RHBDL2: variants seen among roughly 807,000 people sequenced by gnomAD.
RHBDL2 encodes the protein rhomboid like 2.
In RHBDL2, 26 loss-of-function variants were observed where a neutral mutation model predicts 31.7. The ratio of observed to expected loss-of-function variants is 0.82; its 90% CI spans 0.60 to 1.14. RHBDL2 has a LOEUF of 1.14. Among genes scored for constraint, RHBDL2 ranks in the 50% most tolerant of loss-of-function variants. The pLI is 0.00. For missense variants in RHBDL2, 336 were observed against 364.4 expected (o/e 0.92, Z 0.63); for synonymous variants, 123 against 127.2 (o/e 0.97, Z 0.22).
chr1:38,911,251 G>A, intron 4 of RHBDL2, 71 bp downstream of exon 4: 3 of 986,450 alleles, frequency 3.0e-6, no homozygotes, highest in Non-Finnish European at 4.8e-6. Context: ...CCTACTATAA[G>A]TGTGTATTTC....
At chr1:38,924,620 G>A (rs1211088127) in intron 1 of RHBDL2, among the ~76,000 whole-genome samples, 1 of 151,482 alleles carries the variant, frequency 6.6e-6, no homozygotes, top group Non-Finnish European at 1.5e-5. Context: ...AACACGGAAG[G>A]AACTTTGCTA....
At chr1:38,890,994 C>A (rs1642846175) in intron 6 of RHBDL2, among the ~76,000 whole-genome samples, 1 of 152,058 alleles carries the variant, frequency 6.6e-6, no homozygotes, top group African/African-American at 2.4e-5. Flanking sequence ...CTTGGCTGGG[C>A]TCAGTGGCTC....
chr1:38,911,734 G>C (rs1429758938), intron 3 of RHBDL2, among the ~76,000 whole-genome samples: 1 of 151,840 alleles, frequency 6.6e-6, no homozygotes, highest in Admixed American at 6.6e-5. Flanking sequence ...CTGCCTCAAG[G>C]GTTCAAGTAA....
chr1:38,910,436 T>A (rs557109110), intron 4 of RHBDL2, among the ~76,000 whole-genome samples: 132 of 152,290 alleles, frequency 8.7e-4, no homozygotes, highest in African/African-American at 2.9e-3. Flanking sequence ...TTTAATTTTT[T>A]AAAAAAATGT....
At position 38,897,863 on chromosome 1, in the gene RHBDL2, G is replaced by A. The variant is rs193089066; in HGVS notation, c.509-1794C>T. ...GTAGTCCAGTAGGCCGGGCACGGTG[G>A]CTCACGCCTGTAATCCCAGCACTTT... is the stretch of plus-strand genomic sequence containing the variant. On this transcript the variant is annotated intron_variant, in intron 4 of 7. Transcript: ENST00000372990. Among the ~76,000 whole-genome samples, 78 of 152,326 alleles carry A rather than the reference G, an allele frequency of 5.1e-4. 1 individual carries two copies. The highest frequency in any genetic ancestry group is 7.2e-4 in the Admixed American group (11 of 15,300).
intron 4 of RHBDL2, among the ~76,000 whole-genome samples, chr1:38,903,711 A>G (rs1300842238): frequency 6.6e-6 from 1 of 152,146 alleles, no homozygotes; most frequent in Non-Finnish European, 1.5e-5. Context: ...TTAGAAACGC[A>G]CAAACCAAGT....
chr1:38,886,855 G>GAAGGAGAT (rs1366338323), intron 7 of RHBDL2, among the ~76,000 whole-genome samples, 172 bp from the exon 8 acceptor site: 1 of 152,224 alleles, frequency 6.6e-6, no homozygotes, highest in African/African-American at 2.4e-5. Flanking sequence ...TGCACAGAGA[G>GAAGGAGAT]AAGGAGATAC....
At chr1:38,894,708 T>TTTTC (rs1642893977) in intron 5 of RHBDL2, among the ~76,000 whole-genome samples, 1 of 11,008 alleles carries the variant, frequency 9.1e-5, no homozygotes, top group Non-Finnish European at 8.0e-4. Context: ...TTTTTTTTTC[T>TTTTC]TTTTTTTTTT....
chr1:38,928,364 A>G (rs971317217), intron 1 of RHBDL2, among the ~76,000 whole-genome samples: 1 of 151,864 alleles, frequency 6.6e-6, no homozygotes, highest in Non-Finnish European at 1.5e-5. Flanking sequence ...GGATGGTCTC[A>G]ATCTCCTGAC....
intron 6 of RHBDL2, among the ~76,000 whole-genome samples, chr1:38,888,748 C>T (rs1642817049): frequency 6.6e-6 from 1 of 152,192 alleles, no homozygotes; most frequent in Admixed American, 6.5e-5. Flanking sequence ...CTTAAACCCA[C>T]CCCAGACCTA....
At chr1:38,920,166 CTTTTTTTTTTTTT>C (rs71057165) in intron 1 of RHBDL2, among the ~76,000 whole-genome samples, 1 of 111,402 alleles carries the variant, frequency 9.0e-6, no homozygotes, top group East Asian at 2.6e-4. Flanking sequence ...CACATGTTTT[CTTTTTTTTTTTTT>C]TTTTTTGAGA....
chr1:38,914,787 T>C (rs1378954876), intron 3 of RHBDL2, among the ~76,000 whole-genome samples: 5 of 151,532 alleles, frequency 3.3e-5, no homozygotes, highest in Admixed American at 1.3e-4. Flanking sequence ...CCCAGCACTT[T>C]GGGAGGCCAA....
At chr1:38,928,336 G>A (rs758006069) in intron 1 of RHBDL2, among the ~76,000 whole-genome samples, 8 of 151,700 alleles carry the variant, frequency 5.3e-5, no homozygotes, top group Non-Finnish European at 1.2e-4. Flanking sequence ...TAGAGACGGG[G>A]TTTCACCGTA....
intron 3 of RHBDL2, 70 bp downstream of exon 3, chr1:38,915,492 C>A: frequency 6.6e-7 from 1 of 1,518,126 alleles, no homozygotes; most frequent in Non-Finnish European, 9.0e-7. Context: ...TAATAAAGCA[C>A]TCAACAAATG....
At chr1:38,919,854 G>A (rs1333410045) in intron 1 of RHBDL2, among the ~76,000 whole-genome samples, 8 of 152,054 alleles carry the variant, frequency 5.3e-5, no homozygotes, top group Non-Finnish European at 8.8e-5. Context: ...GATTACAGGC[G>A]TGAGCCACCG....
chr1:38,914,417 T>A (rs1476180199), intron 3 of RHBDL2, among the ~76,000 whole-genome samples: 1 of 151,778 alleles, frequency 6.6e-6, no homozygotes. Flanking sequence ...AGTTTTTGTA[T>A]TTTTAGTAGA....
chr1:38,896,361 T>C (rs1642918769), intron 4 of RHBDL2, among the ~76,000 whole-genome samples: 1 of 152,234 alleles, frequency 6.6e-6, no homozygotes, highest in Non-Finnish European at 1.5e-5. Flanking sequence ...GACTTCTCTA[T>C]GTCTCAGTTT....
chr1:38,911,602 CTGTGTGTGTGTG>C (rs56978792), intron 3 of RHBDL2, among the ~76,000 whole-genome samples, 168 bp from the exon 4 acceptor site: 8,241 of 142,204 alleles, frequency 0.058, 557 homozygotes, highest in African/African-American at 0.16. Context: ...TTTCTTTTTT[CTGTGTGTGTGTG>C]TGTGTGTGTG....
At chr1:38,912,910 A>ATATATATATGTGTGTGTG (rs1399583863) in intron 3 of RHBDL2, among the ~76,000 whole-genome samples, 31 of 41,362 alleles carry the variant, frequency 7.5e-4, no homozygotes, top group African/African-American at 2.8e-3. Context: ...ATATATATAT[A>ATATATATATGTGTGTGTG]TGTGTGTGTG....
Sources: gnomAD v4.1 joint callset for allele counts (sites outside exome capture counted in the v4.1 genomes callset) on GRCh38, gnomAD v4.1.1 for gene constraint, MANE v1.5 for transcripts, NCBI Gene and HGNC (gene_info 2026-07-23, HGNC 2026-07-21) for gene names.